The following TSPEAR variants were observed in gnomAD, a reference collection of about 807,000 sequenced individuals.
TSPEAR encodes thrombospondin type laminin G domain and EAR repeats, also known as thrombospondin-type laminin G domain and EAR repeat-containing protein.
A neutral mutation model predicts 71.6 loss-of-function variants in TSPEAR; 69 were observed. The observed-to-expected ratio is 0.96, with a 90% confidence interval of 0.79 to 1.18. TSPEAR has a LOEUF of 1.18. TSPEAR is among the 50% of genes most tolerant of loss of function. The pLI is 0.00. For missense variants in TSPEAR, 971 were observed against 894.9 expected (o/e 1.09, Z -1.09); for synonymous variants, 402 against 387.2 (o/e 1.04, Z -0.45).
intron 1 of TSPEAR, chr21:44,574,635 G>C: frequency 7.8e-7 from 1 of 1,286,922 alleles, no homozygotes; most frequent in Non-Finnish European, 1.0e-6. Context: ...CTGCTCTGGG[G>C]CTTCCTCTCT....
At chr21:44,693,479 A>C (rs1387311017) in intron 1 of TSPEAR, among the ~76,000 whole-genome samples, 1 of 152,208 alleles carries the variant, frequency 6.6e-6, no homozygotes, top group African/African-American at 2.4e-5. Flanking sequence ...CAACAACAAA[A>C]AGACAACCCA....
intron 1 of TSPEAR, among the ~76,000 whole-genome samples, chr21:44,613,506 A>G (rs73907056): frequency 0.03 from 4,577 of 152,212 alleles, 220 homozygotes; most frequent in African/African-American, 0.1. Flanking sequence ...AGCCCACCCT[A>G]CAGAGTCACC....
At chr21:44,503,104 G>T (rs1287780468) in intron 11 of TSPEAR, among the ~76,000 whole-genome samples, 2 of 134,406 alleles carry the variant, frequency 1.5e-5, no homozygotes, top group Non-Finnish European at 3.1e-5. Flanking sequence ...TCTGGGAGGA[G>T]GCCGGCCTCG....
At chr21:44,539,992 C>T (rs782263598) in intron 2 of TSPEAR, 29 of 1,613,122 alleles carry the variant, frequency 1.8e-5, no homozygotes, top group African/African-American at 9.3e-5. Context: ...AGGGGCTGGA[C>T]ACACGGCTCA....
In TSPEAR at chr21:44,665,029, T is replaced by C. The variant is rs587677846; in HGVS notation, c.82+46404A>G. ...TGGGGGACCAGAGTGCTTACGTGTG[T>C]GCATAAGTGTGTGCACGTTGTATAG... On this transcript the variant is annotated intron_variant, in intron 1 of 11. Coordinates refer to ENST00000323084, the MANE Select transcript of TSPEAR (RefSeq NM_144991.3). Among the ~76,000 whole-genome samples, 5 of 152,354 alleles carry C rather than the reference T, an allele frequency of 3.3e-5. No individual in the cohort carries two copies. In the South Asian group the frequency reaches 8.3e-4, roughly 25 times the overall value.
intron 1 of TSPEAR, chr21:44,690,692 T>A: frequency 1.5e-6 from 1 of 662,070 alleles, no homozygotes; most frequent in South Asian, 6.8e-5. Context: ...ATAAAACTAT[T>A]AAGTAAGCAT....
At chr21:44,577,154 A>C (rs1348704961) in intron 1 of TSPEAR, among the ~76,000 whole-genome samples, 1 of 152,228 alleles carries the variant, frequency 6.6e-6, no homozygotes, top group Non-Finnish European at 1.5e-5. Flanking sequence ...GTAGAGGAAA[A>C]TGCATAGTAA....
At chr21:44,525,949 C>T (rs1365869843) in intron 7 of TSPEAR, 110 bp from the exon 8 acceptor site, 12 of 1,147,650 alleles carry the variant, frequency 1.0e-5, no homozygotes, top group East Asian at 2.4e-5. Flanking sequence ...ACGGCTGCTA[C>T]GTGGTGCAGG....
chr21:44,655,795 C>G (rs1434663903), intron 1 of TSPEAR, among the ~76,000 whole-genome samples: 10 of 152,136 alleles, frequency 6.6e-5, no homozygotes, highest in Non-Finnish European at 1.3e-4. Flanking sequence ...GGGGGATGAG[C>G]CATCTCTCAG....
chr21:44,597,130 T>C (rs1489323635), intron 1 of TSPEAR, among the ~76,000 whole-genome samples: 1 of 152,160 alleles, frequency 6.6e-6, no homozygotes, highest in Non-Finnish European at 1.5e-5. Flanking sequence ...TTTTCCCTTT[T>C]CTCTATTTCT....
At chr21:44,627,264 C>T (rs782388689) in intron 1 of TSPEAR, 1 of 1,612,740 alleles carries the variant, frequency 6.2e-7, no homozygotes, top group South Asian at 1.1e-5. Context: ...AGCCCCCCTG[C>T]TGCGCCACCA....
chr21:44,665,357 T>C (rs888028107), intron 1 of TSPEAR, among the ~76,000 whole-genome samples: 28 of 152,322 alleles, frequency 1.8e-4, no homozygotes, highest in African/African-American at 6.7e-4. Flanking sequence ...GCAAGAGGGC[T>C]GGCCCATCTA....
intron 1 of TSPEAR, among the ~76,000 whole-genome samples, chr21:44,598,687 G>A (rs1980534999): frequency 6.6e-6 from 1 of 151,968 alleles, no homozygotes; most frequent in African/African-American, 2.4e-5. Flanking sequence ...ACCTTTTATT[G>A]TTAATGTCAT....
At chr21:44,517,541 T>G (rs1487708174) in intron 9 of TSPEAR, 1 of 343,244 alleles carries the variant, frequency 2.9e-6, no homozygotes, top group Non-Finnish European at 5.8e-6. Context: ...CAGGTCCAGC[T>G]AGGCTGGGAC....
chr21:44,532,624 C>T (rs587659762), intron 3 of TSPEAR, among the ~76,000 whole-genome samples: 25 of 152,250 alleles, frequency 1.6e-4, no homozygotes, highest in Admixed American at 5.9e-4. Context: ...AAGTAATATT[C>T]GAAATAATTT....
At chr21:44,578,916 C>T (rs1569197976) in intron 1 of TSPEAR, among the ~76,000 whole-genome samples, 1 of 152,228 alleles carries the variant, frequency 6.6e-6, no homozygotes, top group Non-Finnish European at 1.5e-5. Flanking sequence ...CTGGTGCCCC[C>T]AGAGGAGGGC....
rs1555915261 is a variant in TSPEAR at position 44,528,557 on chromosome 21, G to C, written c.817C>G (p.Pro273Ala). 6.2e-7 allele frequency: 1 copy of C among 1,613,950 alleles called. No individual in the cohort carries two copies. Among genetic ancestry groups the C allele is most frequent in the African/African-American group, 1.3e-5 (1 of 74,950 alleles). Residue 273 changes from proline to alanine, a missense_variant, in exon 6 of 12, where the codon CCC (proline) becomes GCC (alanine). Pro to Ala is a conservative substitution (Grantham distance 27, BLOSUM62 -1). Coordinates refer to ENST00000323084, the MANE Select transcript of TSPEAR (RefSeq NM_144991.3). Reference protein sequence around the residue: ...YETNIRVTLGPQPPCTEVEDA... With the variant: ...YETNIRVTLGAQPPCTEVEDA... ...TCCACCTCGGTACACGGTGGCTGGG[G>C]TCCCAGCGTCACTCGAATGTTGGTT... is the stretch of plus-strand genomic sequence containing the variant.
rs1988157170 is a variant in TSPEAR at position 44,710,389 on chromosome 21, C to T, written c.82+1044G>A. ...TGTCCTGGAGGCACAGCCATCCGTC[C>T]CTGGGTGGGCAGGCACGTTTATGAC... On this transcript the variant is annotated intron_variant, in intron 1 of 11. Coordinates refer to ENST00000323084, the MANE Select transcript of TSPEAR (RefSeq NM_144991.3). This position sits in a 1 kb window ranked among gnomAD's most constrained non-coding sequence, Gnocchi z 4.6. Among the ~76,000 whole-genome samples the T allele has an allele frequency of 6.6e-6, 1 of 151,578 alleles. No individual in the cohort carries two copies. Among genetic ancestry groups the T allele is most frequent in the African/African-American group, 2.4e-5 (1 of 41,106 alleles).
intron 1 of TSPEAR, among the ~76,000 whole-genome samples, chr21:44,633,178 G>C (rs765227352): frequency 1.3e-5 from 2 of 151,994 alleles, no homozygotes; most frequent in Non-Finnish European, 2.9e-5. Flanking sequence ...CTAATTTTAG[G>C]CTTCGTTGGT....
Sources: gnomAD v4.1 joint callset for allele counts (sites outside exome capture counted in the v4.1 genomes callset) on GRCh38, gnomAD v4.1.1 for gene constraint, Gnocchi (gnomAD v3.1) non-coding constraint, MANE v1.5 for transcripts, NCBI Gene and HGNC (gene_info 2026-07-23, HGNC 2026-07-21) for gene names.